MEGF10: variants seen among roughly 807,000 people sequenced by gnomAD.
MEGF10 encodes multiple EGF like domains 10.
In MEGF10, 86 loss-of-function variants were observed where a neutral mutation model predicts 147.5. The ratio of observed to expected loss-of-function variants is 0.58; its 90% CI spans 0.49 to 0.70. MEGF10 has a LOEUF of 0.70. Among genes scored for constraint, MEGF10 ranks in the 30% least tolerant of loss-of-function variants. The probability of loss-of-function intolerance (pLI) is 0.00; values close to 1 mark genes in which losing one functional copy is unlikely to be tolerated. For missense variants in MEGF10, 1,329 were observed against 1,487.3 expected, an observed-to-expected ratio of 0.89 and a Z score of 1.75; for synonymous variants, 478 against 525.5, an observed-to-expected ratio of 0.91 and a Z score of 1.24.
Position 127,395,718 on chromosome 5 carries a change from G to C in MEGF10, c.413-814G>C, listed in dbSNP as rs180694377. ...CGCCACCATGCCCTGCTAATTTTTT[G>C]TATTTTTAGTAGAGATGGGGTTTCA... On this transcript the variant is annotated intron_variant, in intron 5 of 24. Coordinates refer to ENST00000503335, the MANE Select transcript of MEGF10 (RefSeq NM_001256545.2). Among the ~76,000 whole-genome samples the C allele has an allele frequency of 7.7e-3, 1,160 of 151,622 alleles. 15 individuals are homozygous for C. Among genetic ancestry groups the C allele is most frequent in the African/African-American group, 0.027 (1,112 of 41,366 alleles).
intron 4 of MEGF10, among the ~76,000 whole-genome samples, chr5:127,351,590 C>G (rs78019722): frequency 0.017 from 2,641 of 152,216 alleles, 65 homozygotes; most frequent in Middle Eastern, 0.095. Flanking sequence ...GGTATGCATA[C>G]TGTATCATTT....
intron 1 of MEGF10, among the ~76,000 whole-genome samples, chr5:127,309,986 T>C (rs1446458345): frequency 1.4e-4 from 10 of 72,876 alleles, no homozygotes; most frequent in African/African-American, 2.1e-4. Flanking sequence ...TCTTTCTTTC[T>C]TTCTTTCTTT....
Position 127,452,773 on chromosome 5 carries a change from A to G in MEGF10, c.2981-1793A>G, listed in dbSNP as rs143619269. Among the ~76,000 whole-genome samples, 1,094 of 152,288 alleles carry G rather than the reference A, an allele frequency of 7.2e-3. 9 individuals are homozygous for G. Among genetic ancestry groups the G allele is most frequent in the African/African-American group, 0.014 (602 of 41,562 alleles). On this transcript the variant is annotated intron_variant, in intron 22 of 24. Coordinates refer to ENST00000503335, the MANE Select transcript of MEGF10 (RefSeq NM_001256545.2). ...TTGGGCAGGACAGTCCAAGGACTTC[A>G]AGATCACCTCCCAGGAGCTGAGGGC...
chr5:127,364,408 C>T (rs1475786809), intron 4 of MEGF10, among the ~76,000 whole-genome samples: 2 of 152,060 alleles, frequency 1.3e-5, no homozygotes, highest in African/African-American at 2.4e-5. Flanking sequence ...TCTTATTATC[C>T]CTGGATTCTA....
intron 4 of MEGF10, among the ~76,000 whole-genome samples, chr5:127,354,786 A>G (rs1008823100): frequency 3.0e-4 from 45 of 152,202 alleles, no homozygotes; most frequent in African/African-American, 1.0e-3. Flanking sequence ...GTGAGCTGGA[A>G]TATTTGACAT....
chr5:127,359,058 G>GTTT (rs75925894), intron 4 of MEGF10, among the ~76,000 whole-genome samples: 1 of 142,010 alleles, frequency 7.0e-6, no homozygotes. Context: ...AAGCTGTTTT[G>GTTT]TTTTTTTTTT....
intron 5 of MEGF10, among the ~76,000 whole-genome samples, chr5:127,388,823 GCA>G (rs1763538844): frequency 1.3e-5 from 2 of 152,164 alleles, no homozygotes; most frequent in African/African-American, 4.8e-5. Flanking sequence ...GGGATTGCAG[GCA>G]TGAGCCACTG....
chr5:127,307,939 C>T (rs532413721), intron 1 of MEGF10, among the ~76,000 whole-genome samples: 1 of 152,270 alleles, frequency 6.6e-6, no homozygotes, highest in Admixed American at 6.5e-5. Context: ...ATGCCACATG[C>T]GATGACCTGA....
At chr5:127,239,335 T>C in the MEGF10 span, among the ~76,000 whole-genome samples, 21 of 149,920 alleles carry the variant, frequency 1.4e-4, no homozygotes, top group South Asian at 4.4e-3. Context: ...ATGCTGGTTG[T>C]ATAAGAGAAT....
the MEGF10 span, among the ~76,000 whole-genome samples, chr5:127,231,968 CCA>C: frequency 3.3e-5 from 5 of 152,180 alleles, no homozygotes; most frequent in Admixed American, 3.3e-4. Context: ...CTTGATTTAT[CCA>C]CAGACACTGT....
At chr5:127,366,377 G>A (rs971743475) in intron 4 of MEGF10, among the ~76,000 whole-genome samples, 6 of 152,146 alleles carry the variant, frequency 3.9e-5, no homozygotes, top group African/African-American at 9.7e-5. Flanking sequence ...TTGTATAAGC[G>A]AGTCTAATGT....
intron 10 of MEGF10, among the ~76,000 whole-genome samples, chr5:127,418,087 T>C (rs1249396219): frequency 6.6e-6 from 1 of 152,200 alleles, no homozygotes; most frequent in Non-Finnish European, 1.5e-5. Flanking sequence ...CTTAAGTAAT[T>C]TATTTTATTG....
At chr5:127,363,034 G>A (rs1321606885) in intron 4 of MEGF10, among the ~76,000 whole-genome samples, 2 of 152,128 alleles carry the variant, frequency 1.3e-5, no homozygotes, top group Non-Finnish European at 2.9e-5. Flanking sequence ...AGAGAATGAG[G>A]TATGTATCTA....
At chr5:127,392,562 G>A (rs1763743998) in intron 5 of MEGF10, among the ~76,000 whole-genome samples, 1 of 152,160 alleles carries the variant, frequency 6.6e-6, no homozygotes, top group Non-Finnish European at 1.5e-5. Flanking sequence ...GTCATTAAAT[G>A]GAAAGCCGCT....
chr5:127,355,165 C>T (rs762027308), intron 4 of MEGF10, among the ~76,000 whole-genome samples: 1 of 151,980 alleles, frequency 6.6e-6, no homozygotes, highest in African/African-American at 2.4e-5. Flanking sequence ...AAGCTAGGCT[C>T]CTTGGGTGGA....
At chr5:127,436,346 G>C (rs944997564) in intron 16 of MEGF10, among the ~76,000 whole-genome samples, 1 of 152,092 alleles carries the variant, frequency 6.6e-6, no homozygotes, top group Non-Finnish European at 1.5e-5. Flanking sequence ...TTTTCTGAAT[G>C]TTAATTTTTT....
chr5:127,264,771 G>A, the MEGF10 span, among the ~76,000 whole-genome samples: 1 of 152,100 alleles, frequency 6.6e-6, no homozygotes, highest in Admixed American at 6.6e-5. Context: ...AAGGGTAGCT[G>A]CTTCAGAAAA....
At chr5:127,340,088 T>A (rs78120546) in intron 3 of MEGF10, among the ~76,000 whole-genome samples, 6,816 of 152,264 alleles carry the variant, frequency 0.045, 198 homozygotes, top group Non-Finnish European at 0.067. Context: ...GCCCAGGATA[T>A]AGTAAGTGCT....
At chr5:127,272,734 G>A in the MEGF10 span, among the ~76,000 whole-genome samples, 1 of 152,176 alleles carries the variant, frequency 6.6e-6, no homozygotes, top group African/African-American at 2.4e-5. Flanking sequence ...CAGCTTGCCT[G>A]TTGTTGGTGT....
Sources: allele counts gnomAD v4.1 joint callset (sites outside exome capture counted in the v4.1 genomes callset), GRCh38; gene constraint gnomAD v4.1.1; transcripts MANE v1.5; gene names NCBI Gene and HGNC (gene_info 2026-07-23, HGNC 2026-07-21).